ATRNL1: variants seen among roughly 807,000 people sequenced by gnomAD.
ATRNL1 encodes the protein attractin like 1, also known as attractin-like protein 1.
ATRNL1 carries 95 observed loss-of-function variants against 182.7 expected under a neutral mutation model. The observed-to-expected ratio is 0.52, with a 90% CI of 0.44 to 0.62. The LOEUF (loss-of-function observed/expected upper bound fraction) is 0.62, where lower values mean the gene tolerates loss of function less well. Among genes scored for constraint, ATRNL1 ranks in the 20% least tolerant of loss-of-function variants. The pLI is 0.00. For missense variants in ATRNL1, 1,471 were observed against 1,679.5 expected (o/e 0.88, Z 2.17); for synonymous variants, 576 against 568.3 (o/e 1.01, Z -0.19).
chr10:115,101,190 A>T (rs1564734931), intron 1 of ATRNL1, among the ~76,000 whole-genome samples: 1 of 151,832 alleles, frequency 6.6e-6, no homozygotes, highest in South Asian at 2.1e-4. Context: ...CTTTCTTTAC[A>T]ATCTAGATGC....
At chr10:115,281,585 A>G in intron 14 of ATRNL1, 98 bp downstream of exon 14, 1 of 1,240,264 alleles carries the variant, frequency 8.1e-7, no homozygotes, top group South Asian at 1.5e-5. Context: ...TTCTAAAATT[A>G]AAGTCATAGT....
At chr10:115,702,641 C>T (rs1320326437) in intron 26 of ATRNL1, among the ~76,000 whole-genome samples, 2 of 151,798 alleles carry the variant, frequency 1.3e-5, no homozygotes, top group African/African-American at 4.8e-5. Context: ...TTCTATACAC[C>T]AGTAACATTC....
intron 26 of ATRNL1, among the ~76,000 whole-genome samples, chr10:115,680,183 G>C (rs576895070): frequency 6.6e-6 from 1 of 152,088 alleles, no homozygotes; most frequent in African/African-American, 2.4e-5. Flanking sequence ...TTGTTATGCT[G>C]TGATGGCAAA....
intron 7 of ATRNL1, among the ~76,000 whole-genome samples, chr10:115,168,661 T>A (rs1271769708): frequency 6.6e-6 from 1 of 152,146 alleles, no homozygotes; most frequent in African/African-American, 2.4e-5. Flanking sequence ...AATTAAGTTG[T>A]CCTTTTATTA....
chr10:115,321,197 C>T (rs1213319968), intron 18 of ATRNL1, among the ~76,000 whole-genome samples: 2 of 152,038 alleles, frequency 1.3e-5, no homozygotes, highest in African/African-American at 4.8e-5. Context: ...AGCCCCTATT[C>T]ATCTGCTTCG....
intron 27 of ATRNL1, among the ~76,000 whole-genome samples, chr10:115,795,642 G>A (rs1007916532): frequency 6.6e-6 from 1 of 152,150 alleles, no homozygotes; most frequent in African/African-American, 2.4e-5. Flanking sequence ...AAGGCTAAGG[G>A]GAAGCAAGTG....
chr10:115,467,170 G>T lies in ATRNL1; in HGVS notation c.3418-4G>T. The stretch of plus-strand genomic sequence containing the variant: ...TTTAACCTTAATATTTTCTTTTCTG[G>T]TAGTCGAACAAAAATCTGGATATAT... On this transcript the variant is annotated splice_polypyrimidine_tract_variant and splice_region_variant and intron_variant, in intron 22 of 28. Coordinates refer to ENST00000355044, the MANE Select transcript of ATRNL1 (RefSeq NM_207303.4). The T allele has an allele frequency of 6.3e-7, 1 of 1,591,428 alleles. No homozygotes were observed. The highest frequency in any genetic ancestry group is 8.6e-7 in the Non-Finnish European group (1 of 1,163,992).
At chr10:115,621,276 T>TAGAG (rs1157745862) in intron 26 of ATRNL1, among the ~76,000 whole-genome samples, 147 of 47,508 alleles carry the variant, frequency 3.1e-3, no homozygotes, top group African/African-American at 7.2e-3. Context: ...TATATATATA[T>TAGAG]AGAGAGAGAG....
intron 1 of ATRNL1, among the ~76,000 whole-genome samples, chr10:115,102,952 G>GT (rs1843838363): frequency 6.7e-6 from 1 of 149,088 alleles, no homozygotes; most frequent in Non-Finnish European, 1.5e-5. Context: ...ATTGCAGTAT[G>GT]TTTTTTTCAT....
At chr10:115,691,902 C>A (rs968979292) in intron 26 of ATRNL1, among the ~76,000 whole-genome samples, 1 of 151,968 alleles carries the variant, frequency 6.6e-6, no homozygotes, top group African/African-American at 2.4e-5. Context: ...AATATTTTCT[C>A]CAAAGCTATG....
At chr10:115,635,978 C>T (rs758063097) in intron 26 of ATRNL1, among the ~76,000 whole-genome samples, 3 of 151,996 alleles carry the variant, frequency 2.0e-5, no homozygotes, top group Non-Finnish European at 2.9e-5. Flanking sequence ...GTCAGGTGAG[C>T]GCTTCCCCAT....
intron 26 of ATRNL1, among the ~76,000 whole-genome samples, chr10:115,609,978 A>G (rs543944849): frequency 6.6e-6 from 1 of 152,280 alleles, no homozygotes; most frequent in East Asian, 1.9e-4. Flanking sequence ...AAGATAACTG[A>G]CCATAGAAAT....
intron 26 of ATRNL1, among the ~76,000 whole-genome samples, chr10:115,624,733 C>T (rs1555024126): frequency 6.6e-6 from 1 of 152,168 alleles, no homozygotes; most frequent in African/African-American, 2.4e-5. Flanking sequence ...ACATTTACTA[C>T]CACACTACTG....
intron 4 of ATRNL1, chr10:115,128,577 A>T (rs2143695882): frequency 3.9e-6 from 1 of 256,098 alleles, no homozygotes; most frequent in Non-Finnish European, 6.1e-6. Context: ...CTGTAATCCC[A>T]GCACTTTGGG....
intron 25 of ATRNL1, among the ~76,000 whole-genome samples, chr10:115,537,239 G>A (rs564209008): frequency 6.6e-6 from 1 of 152,340 alleles, no homozygotes; most frequent in South Asian, 2.1e-4. Flanking sequence ...AGTTTACAAA[G>A]CTGAGGTTTA....
At chr10:115,310,444 G>T (rs1853958841) in intron 17 of ATRNL1, among the ~76,000 whole-genome samples, 2 of 151,912 alleles carry the variant, frequency 1.3e-5, no homozygotes, top group South Asian at 4.1e-4. Flanking sequence ...GTATAATTCG[G>T]CTGTGAATCC....
rs2084933776 is a variant in ATRNL1 at position 115,093,666 on chromosome 10, G to C, written c.-85G>C. The C allele has an allele frequency of 7.2e-7, 1 of 1,381,336 alleles. No individual in the cohort carries two copies. The highest frequency in any genetic ancestry group is 1.3e-5 in the South Asian group (1 of 77,438). 85.6% of individuals were successfully genotyped at this position (1,381,336 alleles called of 1,614,324 possible). A position where few individuals can be genotyped will look rare whatever the true frequency, so the allele number is the denominator to read the frequency against. On this transcript the variant is annotated 5_prime_UTR_variant, in exon 1 of 29. Transcript: ENST00000355044. This position sits in a 1 kb window ranked among gnomAD's most constrained non-coding sequence, Gnocchi z 6.1. ...GGAGGAGGAGAAGCGGCGGCGGAGA[G>C]GTTTTCTGCGGCCGGAATTCCCTTC... is the stretch of plus-strand genomic sequence containing the variant.
intron 5 of ATRNL1, among the ~76,000 whole-genome samples, chr10:115,141,355 CA>C (rs1323258301): frequency 6.6e-6 from 1 of 152,076 alleles, no homozygotes; most frequent in African/African-American, 2.4e-5. Context: ...TGAATTTGAA[CA>C]TTTTTTAAAA....
At chr10:115,164,282 A>G (rs1554883886) in intron 6 of ATRNL1, among the ~76,000 whole-genome samples, 1 of 152,190 alleles carries the variant, frequency 6.6e-6, no homozygotes, top group Non-Finnish European at 1.5e-5. Flanking sequence ...TGCCAAATTC[A>G]TTTTATACAG....
Sources: gnomAD v4.1 joint callset for allele counts (sites outside exome capture counted in the v4.1 genomes callset) on GRCh38, gnomAD v4.1.1 for gene constraint, Gnocchi (gnomAD v3.1) non-coding constraint, MANE v1.5 for transcripts, NCBI Gene and HGNC (gene_info 2026-07-23, HGNC 2026-07-21) for gene names.